USH1C: variants seen among roughly 807,000 people sequenced by gnomAD.
USH1C encodes the protein harmonin.
In USH1C, 90 loss-of-function variants were observed where a neutral mutation model predicts 119.3. That is an observed-to-expected ratio of 0.75 (90% CI 0.64 to 0.90). The LOEUF is 0.90. Among genes scored for constraint, USH1C ranks in the 40% least tolerant of loss-of-function variants. USH1C has a pLI of 0.00. For synonymous variants in USH1C, 465 were observed against 443.3 expected (o/e 1.05, Z -0.62); for missense variants, 1,165 against 1,167.7 (o/e 1.00, Z 0.03).
chr11:17,536,822 C>T (rs759196526), intron 1 of USH1C, among the ~76,000 whole-genome samples: 21 of 152,242 alleles, frequency 1.4e-4, no homozygotes, highest in Non-Finnish European at 2.4e-4. Context: ...TCTATTTAAA[C>T]AATTCTCTAT....
intron 7 of USH1C, 136 bp downstream of exon 7, chr11:17,526,616 CG>C: frequency 8.6e-7 from 1 of 1,158,032 alleles, no homozygotes; most frequent in East Asian, 2.5e-5. Context: ...TGCCCCACAG[CG>C]GTGTGCTGGC....
intron 20 of USH1C, among the ~76,000 whole-genome samples, chr11:17,503,843 T>C (rs1020510890): frequency 6.6e-6 from 1 of 152,250 alleles, no homozygotes; most frequent in African/African-American, 2.4e-5. Flanking sequence ...AAAGATTAAA[T>C]TGACAAATCC....
At chr11:17,510,268 A>G in intron 17 of USH1C, 137 bp downstream of exon 17, 1 of 714,962 alleles carries the variant, frequency 1.4e-6, no homozygotes. Flanking sequence ...GTGGGGTGGT[A>G]GGGGTGGGCC....
intron 20 of USH1C, 95 bp from the exon 21 acceptor site, chr11:17,502,075 C>A: frequency 7.4e-7 from 1 of 1,358,146 alleles, no homozygotes; most frequent in South Asian, 1.3e-5. Flanking sequence ...ATCCAAGGGT[C>A]AGAAGTGAGG....
chr11:17,513,475 G>A (rs1849991511), intron 15 of USH1C, among the ~76,000 whole-genome samples: 1 of 152,174 alleles, frequency 6.6e-6, no homozygotes, highest in African/African-American at 2.4e-5. Context: ...GACTTGGTGG[G>A]CCATTATGGA....
intron 1 of USH1C, among the ~76,000 whole-genome samples, chr11:17,543,479 C>T (rs560438665): frequency 7.9e-5 from 12 of 152,254 alleles, no homozygotes; most frequent in African/African-American, 2.6e-4. Context: ...GGGAAGTAGG[C>T]TGGATCTCTT....
chr11:17,531,337 C>G lies in USH1C; in HGVS notation c.249-45G>C, dbSNP rs1565064148. ...GGTGATGGTGCAGCTTGGCTGCCAG[C>G]ACTGCCCCGCCCAGGGTGATCTCTC... is the stretch of plus-strand genomic sequence containing the variant. On this transcript the variant is annotated intron_variant, in intron 3 of 26. Transcript: ENST00000005226. This position sits in a 1 kb window ranked among gnomAD's most constrained non-coding sequence, Gnocchi z 4.2. The G allele has an allele frequency of 1.2e-6, 2 of 1,613,936 alleles. No homozygotes were observed. Among genetic ancestry groups the G allele is most frequent in the South Asian group, 2.2e-5 (2 of 91,076 alleles).
intron 23 of USH1C, among the ~76,000 whole-genome samples, chr11:17,499,604 A>G (rs529520237): frequency 6.6e-6 from 1 of 152,310 alleles, no homozygotes; most frequent in Non-Finnish European, 1.5e-5. Flanking sequence ...CAGAGAAATG[A>G]AGACAGAAGA....
In USH1C at chr11:17,544,297, T is replaced by G. The variant is rs1181091798; in HGVS notation, c.11A>C (p.Lys4Thr). The G allele has an allele frequency of 6.2e-7, 1 of 1,613,922 alleles. No homozygotes were observed. Among genetic ancestry groups the G allele is most frequent in the Non-Finnish European group, 8.5e-7 (1 of 1,179,966 alleles). The change falls in exon 1 of 27, where the codon AAA (lysine) becomes ACA (threonine). Residue 4 changes from lysine to threonine, a missense_variant. Lys to Thr is a moderately conservative substitution (Grantham distance 78). Coordinates refer to ENST00000005226, the MANE Select transcript of USH1C (RefSeq NM_153676.4). MDR[K>T]VAREFRHKVD... ...CTTATGCCGGAATTCTCGGGCCACTTTTCGGTCCATGGCTGGGCCAGGTCC... is the reference window on the plus strand; with the variant it reads ...CTTATGCCGGAATTCTCGGGCCACTGTTCGGTCCATGGCTGGGCCAGGTCC...
At chr11:17,535,172 T>C (rs1480908516) in intron 1 of USH1C, among the ~76,000 whole-genome samples, 1 of 152,198 alleles carries the variant, frequency 6.6e-6, no homozygotes, top group African/African-American at 2.4e-5. Context: ...GCTTGCTCAG[T>C]AGTTTCTTGT....
Position 17,524,460 on chromosome 11 carries a change from C to T in USH1C, c.750G>A (p.Val250=). 1.3e-6 allele frequency: 2 copies of T among 1,572,648 alleles called. No homozygotes were observed. Among genetic ancestry groups the T allele is most frequent in the Non-Finnish European group, 1.7e-6 (2 of 1,157,442 alleles). Residue 250 remains valine, a synonymous_variant, in exon 9 of 27, where the codon GTG becomes GTA. Coordinates refer to ENST00000005226, the MANE Select transcript of USH1C (RefSeq NM_153676.4). ...GCCCAGCGTCACTCACCTCCAATCC[C>T]ACCTCAGCAGACAGGGAGCCAGGTT... The part of the protein sequence containing the change: ...HVKPGSLSAE[V]GLEIGDQIVE...
Position 17,526,992 on chromosome 11 carries a change from G to T in USH1C, c.521+24C>A, listed in dbSNP as rs1403257791. 4 of 1,563,212 alleles carry T rather than the reference G, an allele frequency of 2.6e-6. No homozygotes were observed. In the East Asian group the frequency reaches 7.1e-5, roughly 28 times the overall value. On this transcript the variant is annotated intron_variant, in intron 6 of 26. Transcript: ENST00000005226. ...ATCCTGGGCCCACAGGGAAGAGTTG[G>T]CCTGCAGAGGAGGGGCCTCTCACCT...
At chr11:17,530,197 C>G (rs1407363826) in intron 4 of USH1C, among the ~76,000 whole-genome samples, 1 of 152,176 alleles carries the variant, frequency 6.6e-6, no homozygotes, top group Non-Finnish European at 1.5e-5. Context: ...ATAACAAACC[C>G]GCTGGAAGCT....
In USH1C at chr11:17,535,324, G is replaced by A. The variant is rs139934808; in HGVS notation, c.37-2002C>T. Among the ~76,000 whole-genome samples the A allele has an allele frequency of 6.6e-5, 10 of 151,898 alleles. No individual in the cohort carries two copies. In the South Asian group the frequency reaches 1.9e-3, roughly 28 times the overall value. ...CGCTCTCCAGCCTCAGGGCCTTGGC[G>A]TATGCTTGTTCCCTCTGCTTGGACT... is the stretch of plus-strand genomic sequence containing the variant. On this transcript the variant is annotated intron_variant, in intron 1 of 26. Coordinates refer to ENST00000005226, the MANE Select transcript of USH1C (RefSeq NM_153676.4).
At chr11:17,519,905 C>A (rs1384484377) in intron 14 of USH1C, among the ~76,000 whole-genome samples, 2 of 152,168 alleles carry the variant, frequency 1.3e-5, no homozygotes, top group Non-Finnish European at 2.9e-5. Context: ...AAGTTGGGGA[C>A]AGAGCTGTCC....
rs747960087 is a variant in USH1C, at chr11:17,527,277, C to G, written c.442G>C (p.Glu148Gln). The G allele has an allele frequency of 2.7e-5, 44 of 1,613,058 alleles. No homozygotes were observed. The highest frequency in any genetic ancestry group is 3.7e-5 in the Non-Finnish European group (44 of 1,179,738). The change falls in exon 5 of 27, where the codon GAG (glutamate) becomes CAG (glutamine). Residue 148 changes from glutamate to glutamine, a missense_variant. Coordinates refer to ENST00000005226, the MANE Select transcript of USH1C (RefSeq NM_153676.4). ...GTTCGAATGAGGTTGATGACCTCCTCATGGGTACAGGAGGAGATGGAATAT... is the reference window on the plus strand; with the variant it reads ...GTTCGAATGAGGTTGATGACCTCCTGATGGGTACAGGAGGAGATGGAATAT... Reference protein sequence around the residue: ...NGYSISSCTHEEVINLIRTKK... With the variant: ...NGYSISSCTHQEVINLIRTKK...
rs140193197 is a variant in USH1C, at chr11:17,541,144, T to A, written c.36+3128A>T. ...AGGTCTCTGCTCAGATGTCACCTCT[T>A]CAGAGAGGCCTTCGTGACTGCCTAC... On this transcript the variant is annotated intron_variant, in intron 1 of 26. Transcript: ENST00000005226. Among the ~76,000 whole-genome samples, 232 of 152,336 alleles carry A rather than the reference T, an allele frequency of 1.5e-3. 2 individuals are homozygous for A. The highest frequency in any genetic ancestry group is 5.2e-3 in the African/African-American group (217 of 41,566).
intron 14 of USH1C, 101 bp from the exon 15 acceptor site, chr11:17,516,391 T>C: frequency 8.3e-7 from 1 of 1,204,520 alleles, no homozygotes; most frequent in East Asian, 2.5e-5. Context: ...TGCATGACTT[T>C]GTGAGATAAA....
intron 1 of USH1C, among the ~76,000 whole-genome samples, chr11:17,540,108 A>G (rs1851398870): frequency 6.6e-6 from 1 of 152,094 alleles, no homozygotes. Context: ...CTGGGATTTC[A>G]GGCGTGAGCC....
Sources: allele counts gnomAD v4.1 joint callset (sites outside exome capture counted in the v4.1 genomes callset), GRCh38; gene constraint gnomAD v4.1.1; non-coding constraint Gnocchi (gnomAD v3.1); transcripts MANE v1.5; gene names NCBI Gene and HGNC (gene_info 2026-07-23, HGNC 2026-07-21).